POTEH: variants seen among roughly 807,000 people sequenced by gnomAD.
The protein encoded by POTEH is POTE ankyrin domain family member H, also known as ANKRD26-like family C member 3.
In POTEH, 6 loss-of-function variants were observed where a neutral mutation model predicts 41.7. That is an observed-to-expected ratio of 0.14 (90% CI 0.08 to 0.28). The LOEUF (loss-of-function observed/expected upper bound fraction) is 0.28. POTEH is among the 10% of genes least tolerant of loss of function. The pLI, the probability that POTEH is intolerant of heterozygous loss-of-function variation, is 1.00. For missense variants in POTEH, 115 were observed against 533.5 expected (o/e 0.22, Z 7.73); for synonymous variants, 38 against 179.9 (o/e 0.21, Z 6.31).
At chr22:15,708,153 T>C in intron 7 of POTEH, 63 bp downstream of exon 7, 1 of 498,060 alleles carries the variant, frequency 2.0e-6, no homozygotes. Context: ...TTTTTTGCTT[T>C]AATAATATTA....
chr22:15,692,899 A>G lies in POTEH; in HGVS notation c.632+2190A>G, dbSNP rs1334156400. 2.0e-4 allele frequency among the ~76,000 whole-genome samples: 26 copies of G among 127,232 alleles called. 4 individuals are homozygous for G. Among genetic ancestry groups the G allele is most frequent in the African/African-American group, 7.3e-4 (26 of 35,564 alleles). The allele number at this position is 127,232 out of a possible 152,430, so 83.5% of individuals were successfully genotyped here. The stretch of plus-strand genomic sequence containing the variant: ...GTAAGAACCACATTTTAAAAATGTT[A>G]TGCTTTTTACTCATCAGTTCCATTA... On this transcript the variant is annotated intron_variant, in intron 1 of 10. Transcript: ENST00000343518.
At chr22:15,710,560 T>C (rs1380492896) in intron 8 of POTEH, among the ~76,000 whole-genome samples, 3 of 152,262 alleles carry the variant, frequency 2.0e-5, no homozygotes, top group Non-Finnish European at 4.4e-5. Flanking sequence ...TATATAAGAT[T>C]CTGAAGAGTG....
chr22:15,708,099 A>T lies in POTEH; in HGVS notation c.1308+9A>T, dbSNP rs761844323. 2.7e-6 allele frequency: 3 copies of T among 1,127,862 alleles called. No individual in the cohort carries two copies. Among genetic ancestry groups the T allele is most frequent in the Admixed American group, 4.0e-5 (1 of 24,854 alleles). 69.9% of individuals were successfully genotyped at this position (1,127,862 alleles called of 1,614,324 possible). ...AAAATAGCCAGCCAGAGGCATGGAA[A>T]CTCTTAAATTTAAACTTTTGGTTTA... On this transcript the variant is annotated intron_variant, in intron 7 of 10. Transcript: ENST00000343518.
intron 8 of POTEH, among the ~76,000 whole-genome samples, chr22:15,710,496 G>T (rs2818573): frequency 6.6e-6 from 1 of 152,262 alleles, no homozygotes; most frequent in Admixed American, 6.5e-5. Flanking sequence ...GACACATTTT[G>T]CATCTTTGTC....
intron 9 of POTEH, among the ~76,000 whole-genome samples, chr22:15,713,653 C>T (rs1989867062): frequency 6.6e-6 from 1 of 152,284 alleles, no homozygotes; most frequent in Non-Finnish European, 1.5e-5. Context: ...GTGTGTGACA[C>T]CATACCTGGC....
intron 6 of POTEH, among the ~76,000 whole-genome samples, chr22:15,703,749 G>A (rs1380144262): frequency 6.6e-6 from 1 of 150,580 alleles, no homozygotes; most frequent in Non-Finnish European, 1.5e-5. Flanking sequence ...ATTTATCAAA[G>A]AGCTTCTGTA....
intron 8 of POTEH, among the ~76,000 whole-genome samples, chr22:15,710,293 A>G (rs1234413749): frequency 1.3e-5 from 2 of 152,264 alleles, no homozygotes; most frequent in Non-Finnish European, 2.9e-5. Context: ...TTTGGTTCCC[A>G]TGTTTCAGTG....
At chr22:15,713,899 C>T (rs1205100815) in intron 9 of POTEH, among the ~76,000 whole-genome samples, 1 of 152,216 alleles carries the variant, frequency 6.6e-6, no homozygotes, top group Non-Finnish European at 1.5e-5. Flanking sequence ...ATCAGCCTGG[C>T]TACTTGACAG....
chr22:15,690,443 C>G lies in POTEH; in HGVS notation c.366C>G (p.Asp122Glu), dbSNP rs1989271948. 1.4e-6 allele frequency: 2 copies of G among 1,410,144 alleles called. No homozygotes were observed. Among genetic ancestry groups the G allele is most frequent in the African/African-American group, 1.5e-5 (1 of 64,606 alleles). The allele number at this position is 1,410,144 out of a possible 1,614,324, so 87.4% of individuals were successfully genotyped here. ...SGKSNVGTSGDHDDSAMKTLR... is the reference protein window; with the variant it reads ...SGKSNVGTSGEHDDSAMKTLR... ...AGAGCAACGTGGGCACTTCTGGAGA[C>G]CACGACGACTCTGCTATGAAGACAC... The change falls in exon 1 of 11, where the codon GAC becomes GAG. Residue 122 changes from aspartate (D) to glutamate (E), a missense_variant. Coordinates refer to ENST00000343518, the MANE Select transcript of POTEH (RefSeq NM_001136213.1).
intron 1 of POTEH, among the ~76,000 whole-genome samples, chr22:15,692,304 C>CTATA (rs1989339532): frequency 6.9e-6 from 1 of 145,682 alleles, no homozygotes; most frequent in South Asian, 2.2e-4. Context: ...CATGCCTGGC[C>CTATA]TATATATGCA....
intron 6 of POTEH, among the ~76,000 whole-genome samples, 198 bp from the exon 7 acceptor site, chr22:15,707,796 GAATTTTTAACATGTGTGTATGTCTTC>G (rs1418054144): frequency 6.8e-6 from 1 of 146,330 alleles, no homozygotes; most frequent in Non-Finnish European, 1.5e-5. Context: ...ATTTATGAGG[GAATTTTTAACATGTGTGTATGTCTTC>G]AATCTGGTGA....
chr22:15,712,946 T>C (rs1989850133), intron 9 of POTEH, among the ~76,000 whole-genome samples: 1 of 150,004 alleles, frequency 6.7e-6, no homozygotes, highest in African/African-American at 2.5e-5. Context: ...AAAACCTTGG[T>C]CTGGCATTTA....
At chr22:15,708,603 A>G (rs1220456411) in intron 7 of POTEH, among the ~76,000 whole-genome samples, 6 of 146,782 alleles carry the variant, frequency 4.1e-5, no homozygotes, top group Admixed American at 6.9e-5. Context: ...AAAAGAATCA[A>G]TAGATTCTAA....
chr22:15,705,376 G>T (rs1416484850), intron 6 of POTEH, among the ~76,000 whole-genome samples: 79 of 89,382 alleles, frequency 8.8e-4, no homozygotes, highest in Non-Finnish European at 1.3e-3. Context: ...TTTTTTTTTT[G>T]GTGTTATGCT....
intron 1 of POTEH, among the ~76,000 whole-genome samples, chr22:15,691,884 G>A (rs1232234884): frequency 1.3e-5 from 2 of 148,254 alleles, no homozygotes; most frequent in African/African-American, 4.9e-5. Flanking sequence ...CTAGCTAGAT[G>A]TTTATATCAC....
intron 9 of POTEH, among the ~76,000 whole-genome samples, chr22:15,714,429 G>A (rs1472930640): frequency 8.6e-5 from 13 of 152,044 alleles, no homozygotes; most frequent in Admixed American, 1.3e-4. Flanking sequence ...CATCTGGCAT[G>A]TTATCTCTCC....
At chr22:15,707,973 C>CT (rs1186158036) in intron 6 of POTEH, 47 bp from the exon 7 acceptor site, 1 of 699,302 alleles carries the variant, frequency 1.4e-6, no homozygotes, top group East Asian at 3.5e-5. Context: ...TAGTTTTTAA[C>CT]TGTTGTAAGT....
At chr22:15,712,603 C>T (rs1319216812) in intron 9 of POTEH, among the ~76,000 whole-genome samples, 2 of 37,576 alleles carry the variant, frequency 5.3e-5, no homozygotes, top group Non-Finnish European at 9.8e-5. Flanking sequence ...GCATGGGTGA[C>T]ATTATCTTTC....
intron 9 of POTEH, among the ~76,000 whole-genome samples, chr22:15,717,409 C>T (rs1989928279): frequency 1.1e-5 from 1 of 93,236 alleles, no homozygotes; most frequent in South Asian, 4.6e-4. Context: ...TTTGCATTCC[C>T]ACCAGCAGTG....
Sources: allele counts gnomAD v4.1 joint callset (sites outside exome capture counted in the v4.1 genomes callset), GRCh38; gene constraint gnomAD v4.1.1; transcripts MANE v1.5; gene names NCBI Gene and HGNC (gene_info 2026-07-23, HGNC 2026-07-21).